Variants in SLC6A9 observed in about 807,000 individuals in gnomAD.
The protein encoded by SLC6A9 is sodium- and chloride-dependent glycine transporter 1.
Under a neutral mutation model 70.9 loss-of-function variants are expected in SLC6A9, and 31 were observed. The observed-to-expected ratio is 0.44, with a 90% confidence interval of 0.33 to 0.59. The LOEUF (loss-of-function observed/expected upper bound fraction) is 0.59, where lower values mean the gene tolerates loss of function less well. Among genes scored for constraint, SLC6A9 ranks in the 20% least tolerant of loss-of-function variants. The probability of loss-of-function intolerance (pLI) is 0.04; values close to 1 mark genes in which losing one functional copy is unlikely to be tolerated. For missense variants in SLC6A9, 631 were observed against 845.2 expected (o/e 0.75, Z 3.14); for synonymous variants, 310 against 341.3 (o/e 0.91, Z 1.01).
chr1:44,014,031 C>T (rs995674322), intron 2 of SLC6A9, among the ~76,000 whole-genome samples: 5 of 152,224 alleles, frequency 3.3e-5, no homozygotes, highest in Admixed American at 2.6e-4. Context: ...TCCCTTTGTG[C>T]TCACGATTTG....
In SLC6A9 at chr1:44,017,770, G is replaced by C. The variant is rs147584397; in HGVS notation, c.30+6478C>G. 1.7e-3 allele frequency among the ~76,000 whole-genome samples: 264 copies of C among 152,386 alleles called. 1 individual carries two copies. Among genetic ancestry groups the C allele is most frequent in the African/African-American group, 5.9e-3 (246 of 41,594 alleles). On this transcript the variant is annotated intron_variant, in intron 2 of 13. Transcript: ENST00000372310. ...GACCATGCAAGAAAGCCCTGGCCTA[G>C]TGAACCACGCTGTCAGCTGTCTGGA... is the stretch of plus-strand genomic sequence containing the variant.
At position 44,010,077 on chromosome 1, in the gene SLC6A9, G is replaced by A. The variant is rs199543202; in HGVS notation, c.207C>T (p.Tyr69=). The A allele has an allele frequency of 3.1e-6, 5 of 1,614,044 alleles. No individual in the cohort carries two copies. Among genetic ancestry groups the A allele is most frequent in the Middle Eastern group, 1.6e-4 (1 of 6,062 alleles). Residue 69 remains tyrosine (Y), a synonymous_variant, in exon 4 of 14, where the codon TAC becomes TAT. Coordinates refer to ENST00000372310, the MANE Select transcript of SLC6A9 (RefSeq NM_001024845.3). ...RNGGGAFMFP[Y]FIMLIFCGIP... is the part of the protein sequence containing the mutation. ...TCCCGCAGAAGATGAGCATGATGAA[G>A]TAGGGGAACATGAAGGCGCCTGGTA...
rs1181589965 is a variant in SLC6A9 at position 44,018,763 on chromosome 1, C to A, written c.30+5485G>T. Among the ~76,000 whole-genome samples, 1 of 151,890 alleles carries A rather than the reference C, an allele frequency of 6.6e-6. No homozygotes were observed. Among genetic ancestry groups the A allele is most frequent in the African/African-American group, 2.4e-5 (1 of 41,342 alleles). ...GACCAGCCTGGGCAACATAGTGAGA[C>A]CGTGTCTCTACAAAAAACTGGCAAG... On this transcript the variant is annotated intron_variant, in intron 2 of 13. Transcript: ENST00000372310. This position sits in a 1 kb window ranked among gnomAD's most constrained non-coding sequence, Gnocchi z 4.2.
chr1:44,001,282 G>A lies in SLC6A9; in HGVS notation c.1217C>T (p.Thr406Met), dbSNP rs1236705513. 10 of 1,614,096 alleles carry A rather than the reference G, an allele frequency of 6.2e-6. No individual in the cohort carries two copies. The highest frequency in any genetic ancestry group is 1.3e-5 in the African/African-American group (1 of 74,926). The change falls in exon 10 of 14, where the codon ACG becomes ATG. Residue 406 changes from threonine (T) to methionine (M), a missense_variant. Transcript: ENST00000372310. ...GLGTQFCLLE[T>M]LVTAIVDEVG... ...CTCATCCACAATGGCTGTGACCAGC[G>A]TCTCCAGGAGGCAGAACTGCAGGAT...
Position 44,002,314 on chromosome 1 carries a change from G to A in SLC6A9, c.961C>T (p.Arg321Trp), listed in dbSNP as rs148166342. 2.0e-5 allele frequency: 32 copies of A among 1,609,388 alleles called. No homozygotes were observed. The highest frequency in any genetic ancestry group is 1.6e-4 in the East Asian group (7 of 44,846). The change falls in exon 8 of 14, where the codon CGG becomes TGG. Residue 321 changes from arginine to tryptophan, a missense_variant and splice_region_variant. Arg to Trp is a moderately radical substitution (Grantham distance 101). Coordinates refer to ENST00000372310, the MANE Select transcript of SLC6A9 (RefSeq NM_001024845.3). This position sits in a 1 kb window ranked among gnomAD's most constrained non-coding sequence, Gnocchi z 5.5. ...CTCAGCCCAGCAGGGAGCACTCACCGGTAACAGTTATTGTGGAACTTGTTG... is the reference window on the plus strand; with the variant it reads ...CTCAGCCCAGCAGGGAGCACTCACCAGTAACAGTTATTGTGGAACTTGTTG... ...SYNKFHNNCYRDSVIISITNC... is the reference protein window; with the variant it reads ...SYNKFHNNCYWDSVIISITNC...
In SLC6A9 at chr1:44,002,511, C is replaced by T; in HGVS notation, c.858+1G>A. On this transcript the variant is annotated splice_donor_variant, in intron 7 of 13. Transcript: ENST00000372310. LOFTEE classifies it high-confidence loss of function. This position sits in a 1 kb window ranked among gnomAD's most constrained non-coding sequence, Gnocchi z 5.5. ...CCCTTCCGGTTTCCCTCACTTCCCACCTTGGCCTCCAGGATCTTGTCCCAC... is the reference window on the plus strand; with the variant it reads ...CCCTTCCGGTTTCCCTCACTTCCCATCTTGGCCTCCAGGATCTTGTCCCAC... 1 of 1,614,188 alleles carries T rather than the reference C, an allele frequency of 6.2e-7. No individual in the cohort carries two copies. Among genetic ancestry groups the T allele is most frequent in the Non-Finnish European group, 8.5e-7 (1 of 1,180,020 alleles).
At chr1:44,024,171 C>T in intron 2 of SLC6A9, 77 bp downstream of exon 2, 1 of 1,488,158 alleles carries the variant, frequency 6.7e-7, no homozygotes, top group Non-Finnish European at 9.4e-7. Flanking sequence ...CCTAAGCCTT[C>T]CAAGCAGCTG....
intron 12 of SLC6A9, among the ~76,000 whole-genome samples, chr1:43,998,579 C>T (rs1042720049): frequency 7.2e-5 from 11 of 152,204 alleles, no homozygotes; most frequent in Admixed American, 3.3e-4. Flanking sequence ...GGCCTCCCCA[C>T]GGCGTTTTCC....
At chr1:44,017,674 C>A (rs2086797371) in intron 2 of SLC6A9, among the ~76,000 whole-genome samples, 1 of 152,192 alleles carries the variant, frequency 6.6e-6, no homozygotes, top group Non-Finnish European at 1.5e-5. Context: ...TACCTGACAC[C>A]CCCCACCAAC....
intron 1 of SLC6A9, among the ~76,000 whole-genome samples, chr1:44,027,080 C>A (rs1397356648): frequency 1.3e-5 from 2 of 152,140 alleles, no homozygotes; most frequent in Non-Finnish European, 2.9e-5. Flanking sequence ...TCAGAAAACA[C>A]CAACTGATTG....
At position 44,029,569 on chromosome 1, in the gene SLC6A9, C is replaced by A. The variant is rs1259586493; in HGVS notation, c.-86+1737G>T. On this transcript the variant is annotated intron_variant, in intron 1 of 13. Coordinates refer to ENST00000372310, the MANE Select transcript of SLC6A9 (RefSeq NM_001024845.3). ...TCCCAATGCTATTATCTTCATGAAG[C>A]CTTCCTAGGTCCTCCCCGTTGCTGT... Among the ~76,000 whole-genome samples, 3 of 152,226 alleles carry A rather than the reference C, an allele frequency of 2.0e-5. No homozygotes were observed. The East Asian group carries it at 5.8e-4, about 29-fold the overall frequency.
chr1:44,000,634 C>T (rs1218318880), intron 12 of SLC6A9, 133 bp downstream of exon 12: 3 of 641,614 alleles, frequency 4.7e-6, no homozygotes, highest in East Asian at 5.6e-5. Context: ...CCTCAGCCTC[C>T]CAAAGGCCAG....
At chr1:44,006,553 C>T (rs1270242811) in intron 5 of SLC6A9, among the ~76,000 whole-genome samples, 1 of 134,950 alleles carries the variant, frequency 7.4e-6, no homozygotes, top group Non-Finnish European at 1.5e-5. Flanking sequence ...TGCCACTGCA[C>T]TCCAGCCTGG....
chr1:44,001,408 C>T lies in SLC6A9; in HGVS notation c.1182G>A (p.Leu394=), dbSNP rs202048531. 1.2e-6 allele frequency: 2 copies of T among 1,612,810 alleles called. No individual in the cohort carries two copies. The highest frequency in any genetic ancestry group is 8.5e-7 in the Non-Finnish European group (1 of 1,179,064). Residue 394 remains leucine, a synonymous_variant, in exon 9 of 14, where the codon CTG becomes CTA. Coordinates refer to ENST00000372310, the MANE Select transcript of SLC6A9 (RefSeq NM_001024845.3). The part of the protein sequence containing the change: ...WSLLFFFMLI[L]LGLGTQFCLL... ...CTCGTACCTGAGTGCCCAGCCCCAG[C>T]AGGATAAGCATGAAGAAGAAGAGCA...
intron 5 of SLC6A9, among the ~76,000 whole-genome samples, chr1:44,007,332 A>C (rs1038796400): frequency 6.6e-6 from 1 of 152,068 alleles, no homozygotes; most frequent in Non-Finnish European, 1.5e-5. Context: ...CATACCTACC[A>C]TGGGGACACA....
chr1:44,001,697 G>A (rs961912982), intron 8 of SLC6A9, 70 bp from the exon 9 acceptor site: 104 of 1,245,884 alleles, frequency 8.3e-5, no homozygotes, highest in Middle Eastern at 2.0e-4. Flanking sequence ...ATGGAGACAC[G>A]GAAAGTTCTA....
chr1:44,003,362 G>A (rs1256320733), intron 5 of SLC6A9, among the ~76,000 whole-genome samples: 1 of 152,204 alleles, frequency 6.6e-6, no homozygotes, highest in African/African-American at 2.4e-5. Flanking sequence ...TCCTCATTCT[G>A]TCAGGTGTCA....
chr1:44,008,675 G>T (rs1298807357), intron 4 of SLC6A9, 52 bp from the exon 5 acceptor site: 5 of 1,440,982 alleles, frequency 3.5e-6, no homozygotes, highest in Non-Finnish European at 4.8e-6. Context: ...GCAGGAGGAG[G>T]TGAGGTTAAT....
Position 44,018,270 on chromosome 1 carries a change from GTT to G in SLC6A9, c.30+5976_30+5977del, listed in dbSNP as rs1207152137. Among the ~76,000 whole-genome samples the G allele has an allele frequency of 3.3e-5, 5 of 152,154 alleles. No homozygotes were observed. The highest frequency in any genetic ancestry group is 1.2e-4 in the African/African-American group (5 of 41,428). On this transcript the variant is annotated intron_variant, in intron 2 of 13. Transcript: ENST00000372310. This position sits in a 1 kb window ranked among gnomAD's most constrained non-coding sequence, Gnocchi z 4.2. ...GGCAACCCCGTAGGGAACATAAGGA[GTT>G]TTGTCAAGCACAGGATGACATTAAA...
Sources: allele counts gnomAD v4.1 joint callset (sites outside exome capture counted in the v4.1 genomes callset), GRCh38; gene constraint gnomAD v4.1.1; non-coding constraint Gnocchi (gnomAD v3.1); transcripts MANE v1.5; gene names NCBI Gene and HGNC (gene_info 2026-07-23, HGNC 2026-07-21).